VPS33B: variants seen among roughly 807,000 people sequenced by gnomAD.
VPS33B encodes the protein VPS33B late endosome and lysosome associated.
In VPS33B, 80 loss-of-function variants were observed where a neutral mutation model predicts 95.3. The observed-to-expected ratio is 0.84, with a 90% CI of 0.70 to 1.01. The LOEUF (loss-of-function observed/expected upper bound fraction) is 1.01. VPS33B is among the 50% of genes least tolerant of loss of function. The probability of loss-of-function intolerance (pLI) is 0.00; values close to 1 mark genes in which losing one functional copy is unlikely to be tolerated. For missense variants in VPS33B, 715 were observed against 773.4 expected (o/e 0.92, Z 0.90); for synonymous variants, 280 against 280.4 (o/e 1.00, Z 0.01).
rs754268578 is a variant in VPS33B, at chr15:91,002,026, G to C, written c.1405+24C>G. On this transcript the variant is annotated intron_variant, in intron 18 of 22. Transcript: ENST00000333371. The surrounding 1 kb of genome is among the most constrained non-coding windows in gnomAD (Gnocchi z 4.7). ...GAAGTCAGGACAACAGCTGGAGCAG[G>C]GGTCACTTGTGCTCCCTGCTTACCT... The C allele has an allele frequency of 5.0e-6, 8 of 1,613,120 alleles. No homozygotes were observed. The highest frequency in any genetic ancestry group is 5.9e-6 in the Non-Finnish European group (7 of 1,179,978).
At position 91,009,479 on chromosome 15, in the gene VPS33B, G is replaced by A. The variant is rs141254221; in HGVS notation, c.403+322C>T. ...GCGCCATCACGCCCAGCTAATTATT[G>A]TATTTTTAGTAGAGATGGGGTTTCA... On this transcript the variant is annotated intron_variant, in intron 6 of 22. Coordinates refer to ENST00000333371, the MANE Select transcript of VPS33B (RefSeq NM_018668.5). The surrounding 1 kb of genome is among the most constrained non-coding windows in gnomAD (Gnocchi z 4.1). Among the ~76,000 whole-genome samples the A allele has an allele frequency of 3.8e-4, 58 of 152,030 alleles. 1 individual carries two copies. The East Asian group carries it at 9.9e-3, about 26-fold the overall frequency.
chr15:91,004,730 T>C (rs1388074725), intron 16 of VPS33B, 147 bp downstream of exon 16: 2 of 1,033,608 alleles, frequency 1.9e-6, no homozygotes, highest in Non-Finnish European at 2.9e-6. Flanking sequence ...TGGTGATAAT[T>C]CACCCCAAAC....
Position 91,000,688 on chromosome 15 carries a change from A to T in VPS33B, c.1480-97T>A. 9.4e-7 allele frequency: 1 copy of T among 1,060,164 alleles called. No homozygotes were observed. The highest frequency in any genetic ancestry group is 1.4e-6 in the Non-Finnish European group (1 of 710,262). The allele number at this position is 1,060,164 out of a possible 1,614,324, so 65.7% of individuals were successfully genotyped here. A position where few individuals can be genotyped will look rare whatever the true frequency, so the allele number is the denominator to read the frequency against. On this transcript the variant is annotated intron_variant, in intron 19 of 22. Coordinates refer to ENST00000333371, the MANE Select transcript of VPS33B (RefSeq NM_018668.5). The surrounding 1 kb of genome is among the most constrained non-coding windows in gnomAD (Gnocchi z 4.9). ...TGGCATGGCCCAAGGAACAATTCTT[A>T]TTTCAACTAAAGGGAGAACCAGCAA...
chr15:91,018,367 C>T lies in VPS33B; in HGVS notation c.97-482G>A, dbSNP rs1287928663. 6.6e-6 allele frequency among the ~76,000 whole-genome samples: 1 copy of T among 152,172 alleles called. No homozygotes were observed. The highest frequency in any genetic ancestry group is 1.5e-5 in the Non-Finnish European group (1 of 68,034). On this transcript the variant is annotated intron_variant, in intron 1 of 22. Transcript: ENST00000333371. The surrounding 1 kb of genome is among the most constrained non-coding windows in gnomAD (Gnocchi z 4.7). Reference sequence around the variant, plus strand: ...CTCACCCCATCACCCTTCCACTCCCCCACCCCACAATCCCTGTCATACGAT... The same window carrying T: ...CTCACCCCATCACCCTTCCACTCCCTCACCCCACAATCCCTGTCATACGAT...
chr15:90,999,841 G>A lies in VPS33B; in HGVS notation c.1658-48C>T. The A allele has an allele frequency of 1.2e-6, 2 of 1,613,844 alleles. No individual in the cohort carries two copies. The highest frequency in any genetic ancestry group is 1.7e-6 in the Non-Finnish European group (2 of 1,179,824). The stretch of plus-strand genomic sequence containing the variant: ...AGCCCTTCCCTGACATGCTAGTCCT[G>A]AGTGGTGCATCCAGCCCACCTCTCA... On this transcript the variant is annotated intron_variant, in intron 21 of 22. Coordinates refer to ENST00000333371, the MANE Select transcript of VPS33B (RefSeq NM_018668.5). This position sits in a 1 kb window ranked among gnomAD's most constrained non-coding sequence, Gnocchi z 5.1.
intron 6 of VPS33B, among the ~76,000 whole-genome samples, chr15:91,008,636 C>G (rs954948556): frequency 6.6e-6 from 1 of 152,184 alleles, no homozygotes; most frequent in South Asian, 2.1e-4. Context: ...ACCAGAGATA[C>G]AGCAGTGAGC....
intron 3 of VPS33B, 64 bp downstream of exon 3, chr15:91,016,899 G>C: frequency 2.0e-6 from 3 of 1,508,320 alleles, no homozygotes; most frequent in Non-Finnish European, 2.8e-6. Context: ...ACAGATGAAA[G>C]GCAGACGTGC....
Position 91,015,374 on chromosome 15 carries a change from A to G in VPS33B, c.240-941T>C, listed in dbSNP as rs1283956107. Among the ~76,000 whole-genome samples, 1 of 151,168 alleles carries G rather than the reference A, an allele frequency of 6.6e-6. No homozygotes were observed. The highest frequency in any genetic ancestry group is 2.4e-5 in the African/African-American group (1 of 41,288). ...ATAAAATAAAATAATAATAAATAAT[A>G]ATAGTAAAATAAAAGAACTATAAGG... On this transcript the variant is annotated intron_variant, in intron 3 of 22. Transcript: ENST00000333371. The surrounding 1 kb of genome is among the most constrained non-coding windows in gnomAD (Gnocchi z 4.7).
In VPS33B at chr15:91,009,698, AAGG is replaced by A; in HGVS notation, c.403+100_403+102del. On this transcript the variant is annotated intron_variant, in intron 6 of 22. Transcript: ENST00000333371. The surrounding 1 kb of genome is among the most constrained non-coding windows in gnomAD (Gnocchi z 4.1). Reference sequence around the variant, plus strand: ...CTAACAGGAATAAGACCAGGAAAAGAAGGAGCTGGTGGTGGGGGTGGGGTGGGG... The same window carrying A: ...CTAACAGGAATAAGACCAGGAAAAGAAGCTGGTGGTGGGGGTGGGGTGGGG... 1 of 1,146,828 alleles carries A rather than the reference AAGG, an allele frequency of 8.7e-7. No individual in the cohort carries two copies. Among genetic ancestry groups the A allele is most frequent in the Non-Finnish European group, 1.2e-6 (1 of 824,288 alleles). 71.0% of individuals were successfully genotyped at this position (1,146,828 alleles called of 1,614,324 possible).
rs767353387 is a variant in VPS33B at position 91,006,043 on chromosome 15, C to T, written c.869G>A (p.Arg290Gln). The change falls in exon 12 of 23, where the codon CGG (arginine) becomes CAG (glutamine). Residue 290 changes from arginine (R) to glutamine (Q), a missense_variant. Coordinates refer to ENST00000333371, the MANE Select transcript of VPS33B (RefSeq NM_018668.5). This position sits in a 1 kb window ranked among gnomAD's most constrained non-coding sequence, Gnocchi z 5.4. ...NAEDKVFNEI[R>Q]NEHFSNVFGF... Reference sequence around the variant, plus strand: ...AAAGACATTGGAGAAGTGCTCGTTCCGAATCTCATTAAACACCTGTGAGGA... The same window carrying T: ...AAAGACATTGGAGAAGTGCTCGTTCTGAATCTCATTAAACACCTGTGAGGA... 2.4e-5 allele frequency: 38 copies of T among 1,614,030 alleles called. No individual in the cohort carries two copies. In the East Asian group the frequency reaches 6.0e-4, roughly 26 times the overall value.
Position 91,002,979 on chromosome 15 carries a change from G to A in VPS33B, c.1272+106C>T. ...AAGAGGGAGGCCTGAATGGAAACAG[G>A]AGGGTAATGGAGGCAGGAAAGGGGC... On this transcript the variant is annotated intron_variant, in intron 17 of 22. Coordinates refer to ENST00000333371, the MANE Select transcript of VPS33B (RefSeq NM_018668.5). This position sits in a 1 kb window ranked among gnomAD's most constrained non-coding sequence, Gnocchi z 4.7. 1 of 1,221,884 alleles carries A rather than the reference G, an allele frequency of 8.2e-7. No individual in the cohort carries two copies. The highest frequency in any genetic ancestry group is 1.5e-5 in the African/African-American group (1 of 67,494). 75.7% of individuals were successfully genotyped at this position (1,221,884 alleles called of 1,614,324 possible). A position where few individuals can be genotyped will look rare whatever the true frequency, so the allele number is the denominator to read the frequency against.
intron 1 of VPS33B, among the ~76,000 whole-genome samples, chr15:91,021,848 T>A (rs2041111662): frequency 6.6e-6 from 1 of 152,222 alleles, no homozygotes; most frequent in South Asian, 2.1e-4. Context: ...TTCATACAGC[T>A]CCTACTGGAG....
chr15:91,005,745 C>G lies in VPS33B; in HGVS notation c.979G>C (p.Val327Leu). 6.2e-7 allele frequency: 1 copy of G among 1,614,120 alleles called. No individual in the cohort carries two copies. The highest frequency in any genetic ancestry group is 8.5e-7 in the Non-Finnish European group (1 of 1,180,038). Residue 327 changes from valine (V) to leucine (L), a missense_variant, in exon 13 of 23, where the codon GTG (valine) becomes CTG (leucine). Transcript: ENST00000333371. The surrounding 1 kb of genome is among the most constrained non-coding windows in gnomAD (Gnocchi z 6.4). The part of the protein sequence containing the change: ...GMDIKQMKNF[V>L]SQELKGLKQE... Reference sequence around the variant, plus strand: ...TTCAGGCCCTTGAGCTCCTGGGACACGAAATTCTTCATCTGCTTAATGTCC... The same window carrying G: ...TTCAGGCCCTTGAGCTCCTGGGACAGGAAATTCTTCATCTGCTTAATGTCC...
At position 91,009,672 on chromosome 15, in the gene VPS33B, A is replaced by G; in HGVS notation, c.403+129T>C. The G allele has an allele frequency of 1.0e-6, 1 of 980,948 alleles. No individual in the cohort carries two copies. The highest frequency in any genetic ancestry group is 1.5e-6 in the Non-Finnish European group (1 of 647,272). 60.8% of individuals were successfully genotyped at this position (980,948 alleles called of 1,614,324 possible). A position where few individuals can be genotyped will look rare whatever the true frequency, so the allele number is the denominator to read the frequency against. On this transcript the variant is annotated intron_variant, in intron 6 of 22. Transcript: ENST00000333371. This position sits in a 1 kb window ranked among gnomAD's most constrained non-coding sequence, Gnocchi z 4.1. Reference sequence around the variant, plus strand: ...TCTCAGGAACCTCTCCTCCTGCTACACTAACAGGAATAAGACCAGGAAAAG... The same window carrying G: ...TCTCAGGAACCTCTCCTCCTGCTACGCTAACAGGAATAAGACCAGGAAAAG...
At chr15:91,003,819 A>C (rs1293625746) in intron 16 of VPS33B, among the ~76,000 whole-genome samples, 1 of 152,226 alleles carries the variant, frequency 6.6e-6, no homozygotes, top group Admixed American at 6.5e-5. Flanking sequence ...AAAGTGTTCA[A>C]ATGAGTTCCA....
In VPS33B at chr15:91,006,782, C is replaced by T; in HGVS notation, c.701-53G>A. 2.5e-6 allele frequency: 4 copies of T among 1,607,956 alleles called. No individual in the cohort carries two copies. Among genetic ancestry groups the T allele is most frequent in the East Asian group, 2.2e-5 (1 of 44,844 alleles). On this transcript the variant is annotated intron_variant, in intron 9 of 22. Transcript: ENST00000333371. This position sits in a 1 kb window ranked among gnomAD's most constrained non-coding sequence, Gnocchi z 5.4. ...GTTCTCCCTGACCCAGCCTTCTACA[C>T]AGCATGTCCAAGGGCAGCTTTGATA...
At chr15:91,012,213 A>T (rs755021165) in intron 5 of VPS33B, among the ~76,000 whole-genome samples, 5 of 152,134 alleles carry the variant, frequency 3.3e-5, no homozygotes, top group Non-Finnish European at 7.4e-5. Context: ...TCACGTTTGT[A>T]TTCCTAAGCA....
In VPS33B at chr15:91,007,676, G is replaced by A. The variant is rs2040655082; in HGVS notation, c.499-103C>T. 1 of 1,352,900 alleles carries A rather than the reference G, an allele frequency of 7.4e-7. No individual in the cohort carries two copies. The highest frequency in any genetic ancestry group is 1.7e-5 in the Admixed American group (1 of 58,318). The allele number at this position is 1,352,900 out of a possible 1,614,324, so 83.8% of individuals were successfully genotyped here. The stretch of plus-strand genomic sequence containing the variant: ...CTGGAGCAGGGTGGCAGGGCCTGGG[G>A]GATGCTTGAAAGGTTTTCATTGGCT... On this transcript the variant is annotated intron_variant, in intron 7 of 22. Transcript: ENST00000333371. The surrounding 1 kb of genome is among the most constrained non-coding windows in gnomAD (Gnocchi z 5.3).
chr15:91,016,300 T>G (rs1204189641), intron 3 of VPS33B, among the ~76,000 whole-genome samples: 1 of 151,590 alleles, frequency 6.6e-6, no homozygotes, highest in Non-Finnish European at 1.5e-5. Flanking sequence ...GAGGCCACGC[T>G]GCAGACAGCC....
Sources: allele counts gnomAD v4.1 joint callset (sites outside exome capture counted in the v4.1 genomes callset), GRCh38; gene constraint gnomAD v4.1.1; non-coding constraint Gnocchi (gnomAD v3.1); transcripts MANE v1.5; gene names NCBI Gene and HGNC (gene_info 2026-07-23, HGNC 2026-07-21).